GNAT2: variants seen among roughly 807,000 people sequenced by gnomAD.
GNAT2 encodes G protein subunit alpha transducin 2, also known as guanine nucleotide-binding protein G(t) subunit alpha-2.
GNAT2 carries 32 observed loss-of-function variants against 40.9 expected under a neutral mutation model. The ratio of observed to expected loss-of-function variants is 0.78; its 90% confidence interval spans 0.59 to 1.05. GNAT2 has a LOEUF of 1.05. GNAT2 is among the 50% of genes least tolerant of loss of function. GNAT2 has a pLI of 0.00. For missense variants in GNAT2, 355 were observed against 431.5 expected, an observed-to-expected ratio of 0.82 and a Z score of 1.57; for synonymous variants, 141 against 157.2, an observed-to-expected ratio of 0.90 and a Z score of 0.77.
chr1:109,604,171 C>G, intron 7 of GNAT2, 67 bp from the exon 8 acceptor site: 3 of 1,245,772 alleles, frequency 2.4e-6, no homozygotes, highest in Non-Finnish European at 2.3e-6. Context: ...ACTTCCTGCT[C>G]TTGTTCCCCT....
rs1557918544 is a variant in GNAT2, at chr1:109,605,968, A to G, written c.720+2T>C. 2 of 1,613,474 alleles carry G rather than the reference A, an allele frequency of 1.2e-6. No homozygotes were observed. Among genetic ancestry groups the G allele is most frequent in the Non-Finnish European group, 1.7e-6 (2 of 1,179,652 alleles). On this transcript the variant is annotated splice_donor_variant, in intron 7 of 8. Transcript: ENST00000679935. LOFTEE classifies it high-confidence loss of function. ...AAGCTGCTTGATGCAAAGGCCACTC[A>G]CCACTTCGTCATCTTCCACCAGCAC...
intron 2 of GNAT2, chr1:109,610,755 C>T (rs904340755): frequency 3.5e-6 from 2 of 576,858 alleles, no homozygotes; most frequent in African/African-American, 3.7e-5. Context: ...TGTTCAGCAG[C>T]ATTCCTGGCC....
rs763283639 is a variant in GNAT2 at position 109,608,642 on chromosome 1, G to A, written c.450C>T (p.Asp150=). Residue 150 remains aspartate (D), a synonymous_variant, in exon 5 of 9, where the codon GAC becomes GAT. Coordinates refer to ENST00000679935, the MANE Select transcript of GNAT2 (RefSeq NM_001377295.2). The part of the protein sequence containing the change: ...FERAAEYQLN[D]SASYYLNQLE... ...CCAGTCAGTCTTACTAAGATGCGGA[G>A]TCATTAAGCTGGTATTCTGCAGCTC... 2 of 1,613,886 alleles carry A rather than the reference G, an allele frequency of 1.2e-6. No individual in the cohort carries two copies. Among genetic ancestry groups the A allele is most frequent in the South Asian group, 1.1e-5 (1 of 91,068 alleles).
At chr1:109,610,268 A>G (rs1570565244) in intron 3 of GNAT2, 87 bp from the exon 4 acceptor site, 5 of 1,433,336 alleles carry the variant, frequency 3.5e-6, no homozygotes, top group Non-Finnish European at 4.9e-6. Context: ...AAAGGATCAT[A>G]AGAATCCTAT....
chr1:109,611,269 G>A (rs1649789070), intron 2 of GNAT2: 1 of 152,156 alleles, frequency 6.6e-6, no homozygotes, highest in Non-Finnish European at 1.5e-5. Flanking sequence ...TCTGCCTCCT[G>A]GGTTTTAAGC....
At chr1:109,612,337 G>T in intron 2 of GNAT2, 1 of 298,502 alleles carries the variant, frequency 3.4e-6, no homozygotes, top group East Asian at 8.3e-5. Flanking sequence ...TGACTGTATG[G>T]TGGGACTTGT....
rs1394350791 is a variant in GNAT2, at chr1:109,610,070, C to T, written c.273G>A (p.Leu91=). The stretch of plus-strand genomic sequence containing the variant: ...AGCTTGGTTCAGCATAATCGATGCC[C>T]AGTGTGGTCATGGCCCGGATGATAG... The part of the protein sequence containing the change: ...ILAIIRAMTT[L]GIDYAEPSCA... The change falls in exon 4 of 9, where the codon CTG becomes CTA. Residue 91 remains leucine, a synonymous_variant. Transcript: ENST00000679935. 2 of 1,614,030 alleles carry T rather than the reference C, an allele frequency of 1.2e-6. No individual in the cohort carries two copies. The highest frequency in any genetic ancestry group is 1.7e-5 in the Admixed American group (1 of 60,012).
intron 5 of GNAT2, chr1:109,607,716 A>G (rs1188533835): frequency 6.6e-6 from 1 of 152,248 alleles, no homozygotes; most frequent in Admixed American, 6.5e-5. Context: ...ATGCAAATGC[A>G]GTCTCTGCTA....
intron 1 of GNAT2, chr1:109,617,877 T>C (rs1020703747): frequency 6.6e-6 from 1 of 152,236 alleles, no homozygotes; most frequent in African/African-American, 2.4e-5. Context: ...TGTAGTTACA[T>C]GGTGCTTGAT....
At chr1:109,606,620 G>A in intron 5 of GNAT2, 184 bp from the exon 6 acceptor site, 1 of 591,610 alleles carries the variant, frequency 1.7e-6, no homozygotes, top group Non-Finnish European at 3.1e-6. Context: ...GGAAATGGGG[G>A]ATGGACTGAG....
In GNAT2 at chr1:109,609,052, G is replaced by T. The variant is rs1289137255; in HGVS notation, c.304-264C>A. ...AGGTATTTCCTCTCTGGAGTTTCTG[G>T]CTTCCATCCTTAGTCTGAAAGTTTA... On this transcript the variant is annotated intron_variant, in intron 4 of 8. Coordinates refer to ENST00000679935, the MANE Select transcript of GNAT2 (RefSeq NM_001377295.2). The T allele has an allele frequency of 9.8e-6, 5 of 512,500 alleles. No homozygotes were observed. In the Admixed American group the frequency reaches 1.6e-4, roughly 16 times the overall value. The allele number at this position is 512,500 out of a possible 1,614,324, so 31.7% of individuals were successfully genotyped here.
At chr1:109,611,446 C>T (rs1649794618) in intron 2 of GNAT2, 1 of 152,248 alleles carries the variant, frequency 6.6e-6, no homozygotes, top group Non-Finnish European at 1.5e-5. Context: ...TCCCAAAGCG[C>T]TGGGATTACA....
intron 4 of GNAT2, 54 bp from the exon 5 acceptor site, chr1:109,608,842 G>T: frequency 7.1e-7 from 1 of 1,417,772 alleles, no homozygotes; most frequent in Non-Finnish European, 1.0e-6. Flanking sequence ...CTTTCCAGGA[G>T]GCTTCTGGGA....
chr1:109,606,697 T>C (rs912162916), intron 5 of GNAT2: 6 of 430,862 alleles, frequency 1.4e-5, no homozygotes, highest in Non-Finnish European at 2.6e-5. Context: ...TTCCTTGGGT[T>C]TGCCCTGACT....
In GNAT2 at chr1:109,603,948, T is replaced by TA. The variant is rs747440376; in HGVS notation, c.874+2dup. 3.1e-6 allele frequency: 5 copies of TA among 1,595,354 alleles called. No homozygotes were observed. Among genetic ancestry groups the TA allele is most frequent in the Admixed American group, 1.7e-5 (1 of 60,002 alleles). ...ATTATTATTTCCAGCCCCTGACACT[T>TA]ACCATCATACTCTGGAAAACAAATG... On this transcript the variant is annotated splice_region_variant and intron_variant, in intron 8 of 8. Coordinates refer to ENST00000679935, the MANE Select transcript of GNAT2 (RefSeq NM_001377295.2).
chr1:109,619,452 G>T (rs1165551100), intron 1 of GNAT2, 31 bp downstream of exon 1: 1 of 152,250 alleles, frequency 6.6e-6, no homozygotes, highest in Non-Finnish European at 1.5e-5. Flanking sequence ...TGTGGGAAGG[G>T]GAGCCAGAAT....
chr1:109,613,490 C>A (rs886945205), intron 1 of GNAT2: 1 of 162,712 alleles, frequency 6.1e-6, no homozygotes. Context: ...TCAGCTCCCG[C>A]AGTGGCTGCT....
chr1:109,615,625 GA>G (rs1649933423), intron 1 of GNAT2: 3 of 148,508 alleles, frequency 2.0e-5, no homozygotes, highest in African/African-American at 7.6e-5. Flanking sequence ...AAAAAAAAAA[GA>G]AAAGAAAAGA....
chr1:109,611,657 C>G (rs375442321), intron 2 of GNAT2: 4 of 152,220 alleles, frequency 2.6e-5, no homozygotes, highest in East Asian at 1.9e-4. Flanking sequence ...CCTAATGCCT[C>G]GAACTCCTCC....
Sources: gnomAD v4.1 joint callset for allele counts on GRCh38, gnomAD v4.1.1 for gene constraint, MANE v1.5 for transcripts, NCBI Gene and HGNC (gene_info 2026-07-23, HGNC 2026-07-21) for gene names.